The following NRXN3 variants were observed in gnomAD, a reference collection of about 807,000 sequenced individuals.
NRXN3 encodes the protein neurexin III.
Under a neutral mutation model 137.6 loss-of-function variants are expected in NRXN3, and 32 were observed. The observed-to-expected ratio is 0.23, with a 90% confidence interval of 0.18 to 0.31. The LOEUF (loss-of-function observed/expected upper bound fraction) is 0.31, where lower values mean the gene tolerates loss of function less well. Among genes scored for constraint, NRXN3 ranks in the 10% least tolerant of loss-of-function variants. The pLI is 1.00. For missense variants in NRXN3, 1,574 were observed against 2,062.5 expected, an observed-to-expected ratio of 0.76 and a Z score of 4.59; for synonymous variants, 798 against 784.5, an observed-to-expected ratio of 1.02 and a Z score of -0.29.
chr14:79,796,296 A>G (rs748155005), intron 19 of NRXN3, among the ~76,000 whole-genome samples: 2 of 152,140 alleles, frequency 1.3e-5, no homozygotes, highest in Non-Finnish European at 2.9e-5. Flanking sequence ...ATTTAGAGGG[A>G]TTTGCTTATC....
intron 15 of NRXN3, among the ~76,000 whole-genome samples, chr14:78,990,361 ATTTTTTTT>A (rs1163720240): frequency 2.6e-5 from 2 of 76,062 alleles, no homozygotes; most frequent in African/African-American, 1.1e-4. Context: ...GTTCACATCT[ATTTTTTTT>A]TTTTTTTTTT....
intron 10 of NRXN3, among the ~76,000 whole-genome samples, chr14:78,926,777 ATATAAAATATATTATATAT>A (rs1196634989): frequency 2.5e-5 from 1 of 39,272 alleles, no homozygotes; most frequent in Non-Finnish European, 3.8e-5. Context: ...TATATTATAT[ATATAAAATATATTATATAT>A]TATATATTTA....
chr14:79,464,599 C>T (rs1056200145), intron 15 of NRXN3, among the ~76,000 whole-genome samples: 9 of 152,074 alleles, frequency 5.9e-5, no homozygotes, highest in African/African-American at 2.2e-4. Flanking sequence ...CTTTTGAAAA[C>T]ATGCCAAATT....
chr14:79,263,295 C>G (rs2077922036), intron 15 of NRXN3, among the ~76,000 whole-genome samples: 1 of 152,144 alleles, frequency 6.6e-6, no homozygotes, highest in South Asian at 2.1e-4. Context: ...GATTACCAAT[C>G]TTACCATTTA....
chr14:79,293,890 G>A (rs2083596113), intron 15 of NRXN3, among the ~76,000 whole-genome samples: 1 of 152,202 alleles, frequency 6.6e-6, no homozygotes, highest in African/African-American at 2.4e-5. Context: ...GTTTTATCCA[G>A]TGAAAAGAAA....
intron 15 of NRXN3, chr14:79,280,482 A>G: frequency 6.2e-7 from 1 of 1,613,978 alleles, no homozygotes; most frequent in Non-Finnish European, 8.5e-7. Flanking sequence ...GGCAGCAAGC[A>G]TCACTCAGTG....
intron 15 of NRXN3, among the ~76,000 whole-genome samples, chr14:79,091,127 C>T (rs917933257): frequency 1.1e-4 from 17 of 151,424 alleles, no homozygotes; most frequent in African/African-American, 3.6e-4. Flanking sequence ...ATGCATTCTC[C>T]CTCCTTTACC....
At chr14:79,051,458 G>C (rs1354011641) in intron 15 of NRXN3, among the ~76,000 whole-genome samples, 1 of 152,224 alleles carries the variant, frequency 6.6e-6, no homozygotes, top group African/African-American at 2.4e-5. Flanking sequence ...AACCCAGACA[G>C]GCTGGCTCCA....
chr14:78,312,802 G>T (rs929060001), intron 4 of NRXN3, among the ~76,000 whole-genome samples: 2 of 152,006 alleles, frequency 1.3e-5, no homozygotes, highest in Non-Finnish European at 2.9e-5. Context: ...GATCACGAGG[G>T]CTCTCAAGTG....
chr14:79,359,298 C>A (rs2153413218), intron 15 of NRXN3, among the ~76,000 whole-genome samples: 1 of 152,246 alleles, frequency 6.6e-6, no homozygotes, highest in Non-Finnish European at 1.5e-5. Context: ...GGGTGACTGT[C>A]CTTGCCAATT....
At chr14:79,484,069 C>T (rs1264669485) in intron 16 of NRXN3, among the ~76,000 whole-genome samples, 1 of 152,152 alleles carries the variant, frequency 6.6e-6, no homozygotes, top group Non-Finnish European at 1.5e-5. Flanking sequence ...TGAGCCAGCT[C>T]TGCTGTCCCC....
chr14:79,404,768 C>T (rs2095276478), intron 15 of NRXN3, among the ~76,000 whole-genome samples: 1 of 152,184 alleles, frequency 6.6e-6, no homozygotes, highest in Non-Finnish European at 1.5e-5. Flanking sequence ...GGCTTTAAAA[C>T]TTGTCAAAGT....
At chr14:78,614,099 C>G (rs930743352) in intron 4 of NRXN3, among the ~76,000 whole-genome samples, 1 of 152,278 alleles carries the variant, frequency 6.6e-6, no homozygotes, top group South Asian at 2.1e-4. Context: ...GTTACTAATC[C>G]ATAAGGATAT....
intron 3 of NRXN3, among the ~76,000 whole-genome samples, chr14:78,281,514 T>C (rs2074405677): frequency 6.6e-6 from 1 of 152,130 alleles, no homozygotes; most frequent in African/African-American, 2.4e-5. Flanking sequence ...AGAGACAGGT[T>C]AGGGACTTGG....
At chr14:79,754,581 CACACACACATATATAT>C (rs1404219239) in intron 19 of NRXN3, among the ~76,000 whole-genome samples, 2 of 135,566 alleles carry the variant, frequency 1.5e-5, no homozygotes, top group Non-Finnish European at 1.5e-5. Flanking sequence ...TACACACACA[CACACACACATATATAT>C]ACACACACAT....
chr14:78,273,639 C>T (rs910433039), intron 2 of NRXN3, among the ~76,000 whole-genome samples: 1 of 152,122 alleles, frequency 6.6e-6, no homozygotes. Context: ...GCCTAGAGCC[C>T]CAGGACTGGC....
At chr14:79,840,283 T>A (rs1021076982) in intron 20 of NRXN3, among the ~76,000 whole-genome samples, 1 of 152,176 alleles carries the variant, frequency 6.6e-6, no homozygotes, top group Non-Finnish European at 1.5e-5. Flanking sequence ...TTTTAAAACA[T>A]GTAGATAACC....
intron 10 of NRXN3, among the ~76,000 whole-genome samples, chr14:78,913,697 C>T (rs2099247313): frequency 6.6e-6 from 1 of 152,000 alleles, no homozygotes. Flanking sequence ...TCTGCTTGTG[C>T]CTTTGTTTGT....
chr14:79,737,824 C>A (rs2098947442), intron 19 of NRXN3, among the ~76,000 whole-genome samples: 1 of 151,986 alleles, frequency 6.6e-6, no homozygotes. Flanking sequence ...TCTCAAAGTG[C>A]TGGGATTACA....
Sources: gnomAD v4.1 joint callset for allele counts (sites outside exome capture counted in the v4.1 genomes callset) on GRCh38, gnomAD v4.1.1 for gene constraint, MANE v1.5 for transcripts, NCBI Gene and HGNC (gene_info 2026-07-23, HGNC 2026-07-21) for gene names.